UST: variants seen among roughly 807,000 people sequenced by gnomAD.
UST encodes chondroitin sulfate 2-O-sulfotransferase.
In UST, 21 loss-of-function variants were observed where a neutral mutation model predicts 45.6. That is an observed-to-expected ratio of 0.46 (90% CI 0.33 to 0.66). The LOEUF (loss-of-function observed/expected upper bound fraction) is 0.66, where lower values mean the gene tolerates loss of function less well. UST is among the 30% of genes least tolerant of loss of function. The pLI, the probability that UST is intolerant of heterozygous loss-of-function variation, is 0.02. For synonymous variants in UST, 215 were observed against 200.6 expected, an observed-to-expected ratio of 1.07 and a Z score of -0.61; for missense variants, 463 against 512.4, an observed-to-expected ratio of 0.90 and a Z score of 0.93.
At chr6:148,951,375 T>G (rs946584507) in intron 3 of UST, among the ~76,000 whole-genome samples, 4 of 152,190 alleles carry the variant, frequency 2.6e-5, no homozygotes, top group African/African-American at 7.2e-5. Context: ...TTAGGACATA[T>G]TCCACTGTCT....
chr6:148,917,465 G>C (rs184105833), intron 2 of UST, among the ~76,000 whole-genome samples: 28 of 152,318 alleles, frequency 1.8e-4, no homozygotes, highest in Admixed American at 6.5e-4. Context: ...CTTAAAAGCG[G>C]GGTTGCTTGG....
At chr6:148,928,406 A>T (rs537321586) in intron 2 of UST, among the ~76,000 whole-genome samples, 42 of 152,366 alleles carry the variant, frequency 2.8e-4, no homozygotes, top group African/African-American at 8.9e-4. Flanking sequence ...TTTCTATCAG[A>T]TCACAAAATC....
intron 1 of UST, among the ~76,000 whole-genome samples, chr6:148,756,935 T>G (rs1776111560): frequency 1.3e-5 from 2 of 152,254 alleles, no homozygotes; most frequent in South Asian, 4.1e-4. Context: ...AGTTGATGCC[T>G]TTAGCCTATT....
At chr6:148,765,499 A>G (rs965131927) in intron 1 of UST, among the ~76,000 whole-genome samples, 1 of 152,210 alleles carries the variant, frequency 6.6e-6, no homozygotes, top group Non-Finnish European at 1.5e-5. Flanking sequence ...AATTCTGTGA[A>G]AAATGACATC....
At chr6:148,780,354 A>G (rs1234651934) in intron 1 of UST, among the ~76,000 whole-genome samples, 2 of 151,772 alleles carry the variant, frequency 1.3e-5, no homozygotes, top group Non-Finnish European at 2.9e-5. Flanking sequence ...GTGTCATGGG[A>G]GTTTGTTGTA....
chr6:148,915,738 G>A (rs1471676), intron 2 of UST, among the ~76,000 whole-genome samples: 122,220 of 152,144 alleles, frequency 0.8, 49,150 homozygotes, highest in Admixed American at 0.83. Context: ...TGAAAAATAG[G>A]GGAATGCATA....
rs760319825 is a variant in UST, at chr6:148,774,098, G to A, written c.247+26421G>A. ...TACAGCAAACCCTTTTGCAGGTCACGTGGCTCCTATTCTTGGCTTTCAACC... is the reference window on the plus strand; with the variant it reads ...TACAGCAAACCCTTTTGCAGGTCACATGGCTCCTATTCTTGGCTTTCAACC... On this transcript the variant is annotated intron_variant, in intron 1 of 7. Coordinates refer to ENST00000367463, the MANE Select transcript of UST (RefSeq NM_005715.3). Among the ~76,000 whole-genome samples the A allele has an allele frequency of 4.6e-5, 7 of 152,220 alleles. No homozygotes were observed. The Middle Eastern group carries it at 0.014, about 296-fold the overall frequency.
At chr6:148,892,592 A>G (rs1056716673) in intron 2 of UST, among the ~76,000 whole-genome samples, 5 of 152,200 alleles carry the variant, frequency 3.3e-5, no homozygotes, top group African/African-American at 1.2e-4. Flanking sequence ...AAAAATAAAA[A>G]TTCAGTTTCT....
At position 149,072,593 on chromosome 6, in the gene UST, T is replaced by C. The variant is rs564746623; in HGVS notation, c.938-1240T>C. Among the ~76,000 whole-genome samples, 4 of 150,392 alleles carry C rather than the reference T, an allele frequency of 2.7e-5. No homozygotes were observed. In the East Asian group the frequency reaches 7.9e-4, roughly 30 times the overall value. On this transcript the variant is annotated intron_variant, in intron 7 of 7. Coordinates refer to ENST00000367463, the MANE Select transcript of UST (RefSeq NM_005715.3). ...ACTTGAACCCGGGAGGTAGAGGTTGTAGTGAGCCAAGATTGCGCCATTGCA... is the reference window on the plus strand; with the variant it reads ...ACTTGAACCCGGGAGGTAGAGGTTGCAGTGAGCCAAGATTGCGCCATTGCA...
At position 149,076,451 on chromosome 6, in the gene UST, T is replaced by C. The variant is rs1261786465; in HGVS notation, c.*2335T>C. ...TTATCTGGGTACTTTTACCTGTGTG[T>C]TCAAAGGCATTTCTTTTCAGCAGTG... On this transcript the variant is annotated 3_prime_UTR_variant, in exon 8 of 8. Transcript: ENST00000367463. 1 of 152,254 alleles carries C rather than the reference T, an allele frequency of 6.6e-6. No homozygotes were observed. The highest frequency in any genetic ancestry group is 1.5e-5 in the Non-Finnish European group (1 of 68,032). 9.4% of individuals were successfully genotyped at this position (152,254 alleles called of 1,614,324 possible). A position where few individuals can be genotyped will look rare whatever the true frequency, so the allele number is the denominator to read the frequency against.
At chr6:148,812,011 A>G (rs773852236) in intron 1 of UST, among the ~76,000 whole-genome samples, 1 of 152,198 alleles carries the variant, frequency 6.6e-6, no homozygotes, top group Non-Finnish European at 1.5e-5. Context: ...GATCTTTAAC[A>G]TTCACCATTC....
chr6:149,013,738 C>T (rs932700801), intron 5 of UST, among the ~76,000 whole-genome samples: 22 of 152,112 alleles, frequency 1.4e-4, no homozygotes, highest in African/African-American at 5.1e-4. Context: ...CATATGGCCT[C>T]TTAAGGATTC....
chr6:148,796,622 T>TAAAAAAAAA (rs1449754454), intron 1 of UST, among the ~76,000 whole-genome samples: 2 of 44,438 alleles, frequency 4.5e-5, no homozygotes, highest in East Asian at 8.4e-4. Context: ...AGACTCTGTC[T>TAAAAAAAAA]CAAAAAAAAA....
At chr6:148,864,743 ATGT>A in intron 1 of UST, among the ~76,000 whole-genome samples, 1 of 152,302 alleles carries the variant, frequency 6.6e-6, no homozygotes, top group South Asian at 2.1e-4. Context: ...GTTTCAGAAA[ATGT>A]CATGATTAAT....
intron 2 of UST, among the ~76,000 whole-genome samples, chr6:148,892,847 G>T (rs896814644): frequency 6.6e-6 from 1 of 152,106 alleles, no homozygotes; most frequent in African/African-American, 2.4e-5. Context: ...ACTGTTTCAA[G>T]ATATAGGAAT....
At chr6:148,764,452 T>A (rs1776279853) in intron 1 of UST, among the ~76,000 whole-genome samples, 1 of 152,204 alleles carries the variant, frequency 6.6e-6, no homozygotes, top group South Asian at 2.1e-4. Context: ...TAATTTGACT[T>A]CCTCTTTTCT....
intron 1 of UST, among the ~76,000 whole-genome samples, chr6:148,831,207 G>A (rs1199170435): frequency 1.3e-5 from 2 of 152,056 alleles, no homozygotes; most frequent in Non-Finnish European, 2.9e-5. Context: ...CGACTGTTTC[G>A]CAGCCACATA....
intron 7 of UST, among the ~76,000 whole-genome samples, chr6:149,035,215 C>G (rs1482027676): frequency 6.6e-6 from 1 of 152,112 alleles, no homozygotes; most frequent in African/African-American, 2.4e-5. Flanking sequence ...TGAATCTTCT[C>G]TTTTTCAGCC....
intron 2 of UST, among the ~76,000 whole-genome samples, chr6:148,915,548 T>C (rs1477250784): frequency 6.6e-6 from 1 of 152,158 alleles, no homozygotes; most frequent in African/African-American, 2.4e-5. Context: ...GCAGGAAATG[T>C]TGGAAAGTCA....
Sources: gnomAD v4.1 joint callset for allele counts (sites outside exome capture counted in the v4.1 genomes callset) on GRCh38, gnomAD v4.1.1 for gene constraint, MANE v1.5 for transcripts, NCBI Gene and HGNC (gene_info 2026-07-23, HGNC 2026-07-21) for gene names.